PALD1: variants seen among roughly 807,000 people sequenced by gnomAD.
PALD1 encodes paladin.
PALD1 carries 57 observed loss-of-function variants against 96.0 expected under a neutral mutation model. The ratio of observed to expected loss-of-function variants is 0.59; its 90% CI spans 0.48 to 0.74. The LOEUF (loss-of-function observed/expected upper bound fraction) is 0.74. Ranked by LOEUF, PALD1 falls within the 30% of genes least tolerant of loss-of-function variation. The pLI, the probability that PALD1 is intolerant of heterozygous loss-of-function variation, is 0.00. For synonymous variants in PALD1, 464 were observed against 473.6 expected, an observed-to-expected ratio of 0.98 and a Z score of 0.26; for missense variants, 1,063 against 1,143.7, an observed-to-expected ratio of 0.93 and a Z score of 1.02.
chr10:70,549,499 G>A (rs1214011312), intron 18 of PALD1, among the ~76,000 whole-genome samples: 1 of 152,254 alleles, frequency 6.6e-6, no homozygotes, highest in East Asian at 1.9e-4. Context: ...AGCAGGGAGC[G>A]TGACAGGGCC....
chr10:70,465,433 A>C, the PALD1 span, among the ~76,000 whole-genome samples: 1 of 152,182 alleles, frequency 6.6e-6, no homozygotes, highest in African/African-American at 2.4e-5. Context: ...ACTCTGTAGA[A>C]GGCAGAGGCC....
chr10:70,520,155 G>A lies in PALD1; in HGVS notation c.-29-5768G>A, dbSNP rs75915513. ...GGCAGGAAAAAGGGACGGGGTGGGC[G>A]TAGTGGCTGGGGTCAGTGGCAGACA... On this transcript the variant is annotated intron_variant, in intron 1 of 19. Coordinates refer to ENST00000263563, the MANE Select transcript of PALD1 (RefSeq NM_014431.3). Among the ~76,000 whole-genome samples, 1,408 of 152,216 alleles carry A rather than the reference G, an allele frequency of 9.3e-3. 28 individuals carry two copies. Among genetic ancestry groups the A allele is most frequent in the African/African-American group, 0.033 (1,352 of 41,508 alleles).
chr10:70,544,959 C>T (rs1234993727), intron 17 of PALD1, among the ~76,000 whole-genome samples: 1 of 152,236 alleles, frequency 6.6e-6, no homozygotes, highest in Non-Finnish European at 1.5e-5. Flanking sequence ...GGGAAAGGCC[C>T]TTCCCTGTTC....
intron 1 of PALD1, among the ~76,000 whole-genome samples, chr10:70,490,506 C>G (rs961618165): frequency 3.9e-5 from 6 of 152,192 alleles, no homozygotes; most frequent in Admixed American, 1.3e-4. Context: ...TGACATTATT[C>G]TTACTGTAAT....
rs763907166 is a variant in PALD1 at position 70,529,259 on chromosome 10, T to C, written c.216T>C (p.His72=). The C allele has an allele frequency of 1.4e-5, 17 of 1,235,972 alleles. No individual in the cohort carries two copies. In the East Asian group the frequency reaches 7.3e-4, roughly 53 times the overall value. 76.6% of individuals were successfully genotyped at this position (1,235,972 alleles called of 1,614,324 possible). The change falls in exon 3 of 20, where the codon CAT becomes CAC. Residue 72 remains histidine (H), a synonymous_variant. Transcript: ENST00000263563. The stretch of plus-strand genomic sequence containing the variant: ...ACTGCAAGGAGGAGTTCCAGATCCA[T>C]GATGAGCTGCTCAAGGCTCATTACA... ...TYNCKEEFQI[H]DELLKAHYTL... is the part of the protein sequence containing the mutation.
Position 70,541,648 on chromosome 10 carries a change from C to T in PALD1, c.2121+114C>T, listed in dbSNP as rs933659952. On this transcript the variant is annotated intron_variant, in intron 17 of 19. Coordinates refer to ENST00000263563, the MANE Select transcript of PALD1 (RefSeq NM_014431.3). ...CGTCCCAATGCAGTCACGTCTGCCA[C>T]CTCATCATATCAGTGCTTCCCTGTT... 1.2e-5 allele frequency: 9 copies of T among 743,028 alleles called. No individual in the cohort carries two copies. In the Admixed American group the frequency reaches 1.8e-4, roughly 15 times the overall value. The allele number at this position is 743,028 out of a possible 1,614,324, so 46.0% of individuals were successfully genotyped here. A position where few individuals can be genotyped will look rare whatever the true frequency, so the allele number is the denominator to read the frequency against.
At chr10:70,500,594 C>G (rs1041980216) in intron 1 of PALD1, among the ~76,000 whole-genome samples, 7 of 152,176 alleles carry the variant, frequency 4.6e-5, no homozygotes, top group African/African-American at 1.7e-4. Context: ...AGCTCTGTTC[C>G]TTTTTCGGGA....
chr10:70,480,107 A>C (rs1845902866), intron 1 of PALD1, among the ~76,000 whole-genome samples: 1 of 152,214 alleles, frequency 6.6e-6, no homozygotes, highest in Non-Finnish European at 1.5e-5. Flanking sequence ...TTCCAGCTCC[A>C]TGCCCGCCCT....
the PALD1 span, among the ~76,000 whole-genome samples, chr10:70,470,566 AAAT>A: frequency 2.1e-5 from 3 of 142,444 alleles, no homozygotes; most frequent in African/African-American, 5.5e-5. Flanking sequence ...ATTATATAAT[AAAT>A]AATATTATTT....
chr10:70,489,085 A>G (rs978960180), intron 1 of PALD1, among the ~76,000 whole-genome samples: 7 of 152,168 alleles, frequency 4.6e-5, no homozygotes, highest in Non-Finnish European at 1.0e-4. Context: ...TTGGGTTGAC[A>G]GAAGAGGGAC....
At chr10:70,553,141 A>G (rs1197853614) in intron 18 of PALD1, among the ~76,000 whole-genome samples, 2 of 152,144 alleles carry the variant, frequency 1.3e-5, no homozygotes, top group Non-Finnish European at 2.9e-5. Flanking sequence ...GTGCATCGCC[A>G]GCTTGCAGAA....
intron 1 of PALD1, among the ~76,000 whole-genome samples, chr10:70,499,044 A>C (rs746501064): frequency 3.9e-5 from 6 of 152,152 alleles, no homozygotes; most frequent in Non-Finnish European, 8.8e-5. Context: ...CACTTTCCTT[A>C]CATTGTCTCA....
intron 1 of PALD1, among the ~76,000 whole-genome samples, chr10:70,492,291 A>G (rs768660119): frequency 2.6e-5 from 4 of 152,034 alleles, no homozygotes; most frequent in Non-Finnish European, 5.9e-5. Flanking sequence ...CAACTTTACA[A>G]TGGGTTTATC....
chr10:70,532,035 G>A (rs1020805914), intron 5 of PALD1, among the ~76,000 whole-genome samples: 3 of 151,874 alleles, frequency 2.0e-5, no homozygotes, highest in Admixed American at 6.6e-5. Context: ...TGAAAAGAGC[G>A]CTAGACCAGA....
intron 1 of PALD1, among the ~76,000 whole-genome samples, chr10:70,517,830 C>A (rs1458955777): frequency 6.6e-6 from 1 of 152,120 alleles, no homozygotes; most frequent in Non-Finnish European, 1.5e-5. Context: ...TGGCTTGTTT[C>A]TCTCGGTAAT....
chr10:70,566,677 C>T lies in PALD1; in HGVS notation c.2515C>T (p.Arg839Trp), dbSNP rs755425940. The stretch of plus-strand genomic sequence containing the variant: ...CCAGCCCTTCTCCAGGCTGCGCTAC[C>T]GGTGGCAGGAGCAGAGCTGCAGCCT... ...EDQPFSRLRYRWQEQSCSLEP... is the reference protein window; with the variant it reads ...EDQPFSRLRYWWQEQSCSLEP... The change falls in exon 20 of 20, where the codon CGG becomes TGG. Residue 839 changes from arginine to tryptophan, a missense_variant. Coordinates refer to ENST00000263563, the MANE Select transcript of PALD1 (RefSeq NM_014431.3). The T allele has an allele frequency of 1.9e-5, 30 of 1,608,760 alleles. No individual in the cohort carries two copies. Among genetic ancestry groups the T allele is most frequent in the African/African-American group, 1.3e-4 (10 of 74,840 alleles).
chr10:70,474,553 C>CAAGG (rs528526663), upstream of PALD1, among the ~76,000 whole-genome samples: 32 of 152,036 alleles, frequency 2.1e-4, no homozygotes, highest in East Asian at 5.2e-3. Flanking sequence ...AGACTCTGTC[C>CAAGG]AAGGAAGGAA....
intron 1 of PALD1, among the ~76,000 whole-genome samples, chr10:70,493,780 AC>A (rs1456497492): frequency 6.6e-6 from 1 of 152,048 alleles, no homozygotes; most frequent in Admixed American, 6.5e-5. Flanking sequence ...CCATGTCCTC[AC>A]CTGTCCTCTG....
chr10:70,532,611 C>T lies in PALD1; in HGVS notation c.634-10C>T, dbSNP rs74139680. On this transcript the variant is annotated splice_polypyrimidine_tract_variant and intron_variant, in intron 5 of 19. Transcript: ENST00000263563. ...GGCCATGGCCCTCTGACCCCCACAC[C>T]TCCCTCTAGATCCACGACTTTGCCC... The T allele has an allele frequency of 4.5e-3, 7,305 of 1,613,074 alleles. 215 individuals carry two copies. The African/African-American group carries it at 0.076, about 17-fold the overall frequency.
Sources: gnomAD v4.1 joint callset for allele counts (sites outside exome capture counted in the v4.1 genomes callset) on GRCh38, gnomAD v4.1.1 for gene constraint, MANE v1.5 for transcripts, NCBI Gene and HGNC (gene_info 2026-07-23, HGNC 2026-07-21) for gene names.